The following GRIA3 variants were observed in gnomAD, a reference collection of about 807,000 sequenced individuals.
GRIA3 encodes the protein glutamate receptor 3.
Under a neutral mutation model 63.0 loss-of-function variants are expected in GRIA3, and 3 were observed. The observed-to-expected ratio is 0.05, with a 90% CI of 0.02 to 0.12. The LOEUF (loss-of-function observed/expected upper bound fraction) is 0.12, where lower values mean the gene tolerates loss of function less well. Among genes scored for constraint, GRIA3 ranks in the 10% least tolerant of loss-of-function variants. The probability of loss-of-function intolerance (pLI) is 1.00; values close to 1 mark genes in which losing one functional copy is unlikely to be tolerated. For missense variants in GRIA3, 347 were observed against 700.9 expected (o/e 0.50, Z 5.70); for synonymous variants, 274 against 257.9 (o/e 1.06, Z -0.60).
intron 13 of GRIA3, among the ~76,000 whole-genome samples, chrX:123,478,825 A>C (rs2045898733): frequency 8.9e-6 from 1 of 112,755 alleles, no homozygotes; most frequent in African/African-American, 3.2e-5. Flanking sequence ...ATATTTGGCA[A>C]TATTGCTCCC....
chrX:123,347,938 T>C (rs2147346169), intron 4 of GRIA3, among the ~76,000 whole-genome samples: 1 of 111,964 alleles, frequency 8.9e-6, no homozygotes, highest in Non-Finnish European at 1.9e-5. Context: ...GAGGTGTGAC[T>C]CTTGAGCCAA....
chrX:123,348,712 G>A (rs2045071095), intron 4 of GRIA3, among the ~76,000 whole-genome samples: 1 of 111,927 alleles, frequency 8.9e-6, no homozygotes, highest in African/African-American at 3.2e-5. Flanking sequence ...ATCCTGTGTG[G>A]GAAAATACAT....
intron 5 of GRIA3, among the ~76,000 whole-genome samples, chrX:123,357,309 G>A (rs923182810): frequency 3.6e-5 from 4 of 110,214 alleles, no homozygotes; most frequent in Admixed American, 2.0e-4. Flanking sequence ...CTTAAAGAGC[G>A]ATCTGAGCCG....
intron 3 of GRIA3, among the ~76,000 whole-genome samples, chrX:123,273,486 C>T (rs995492795): frequency 3.6e-5 from 4 of 111,798 alleles, no homozygotes; most frequent in Non-Finnish European, 7.5e-5. Context: ...ACCTAAGTCA[C>T]ACAGTTTGTA....
At chrX:123,369,030 A>C (rs2045230993) in intron 5 of GRIA3, among the ~76,000 whole-genome samples, 1 of 111,406 alleles carries the variant, frequency 9.0e-6, no homozygotes. Flanking sequence ...TCAAGTAAAA[A>C]TTACCAAAAG....
chrX:123,249,424 T>C (rs1430979617), intron 2 of GRIA3, among the ~76,000 whole-genome samples: 1 of 111,784 alleles, frequency 8.9e-6, no homozygotes, highest in Non-Finnish European at 1.9e-5. Context: ...AACCCTACTT[T>C]TGACAGCCAG....
chrX:123,189,051 T>C (rs1253272713), intron 2 of GRIA3, among the ~76,000 whole-genome samples: 2 of 111,964 alleles, frequency 1.8e-5, no homozygotes, highest in Admixed American at 1.9e-4. Flanking sequence ...TTATTCCATG[T>C]CCTACGAGGC....
At chrX:123,207,670 A>G (rs751385302) in intron 2 of GRIA3, among the ~76,000 whole-genome samples, 1 of 112,201 alleles carries the variant, frequency 8.9e-6, no homozygotes, top group South Asian at 3.7e-4. Flanking sequence ...AAATGCATGT[A>G]CTATTTGCAT....
chrX:123,389,853 C>T (rs2045375388), intron 5 of GRIA3, among the ~76,000 whole-genome samples: 1 of 110,029 alleles, frequency 9.1e-6, no homozygotes, highest in South Asian at 3.9e-4. Context: ...CTACAGACAC[C>T]CGCCACCACG....
At chrX:123,415,310 G>A (rs1192718822) in intron 10 of GRIA3, among the ~76,000 whole-genome samples, 1 of 112,162 alleles carries the variant, frequency 8.9e-6, no homozygotes, top group East Asian at 2.8e-4. Flanking sequence ...AATTAAAGAT[G>A]TAAAAGAGAT....
chrX:123,345,727 C>T (rs1483858316), intron 4 of GRIA3, among the ~76,000 whole-genome samples: 1 of 110,990 alleles, frequency 9.0e-6, no homozygotes, highest in Non-Finnish European at 1.9e-5. Flanking sequence ...TAACCAGTGG[C>T]CCCAATACTC....
At chrX:123,247,344 C>G (rs1287026913) in intron 2 of GRIA3, among the ~76,000 whole-genome samples, 2 of 111,377 alleles carry the variant, frequency 1.8e-5, no homozygotes, top group Non-Finnish European at 3.8e-5. Context: ...TGGTGCCACA[C>G]TGTACATTAA....
chrX:123,253,992 A>C (rs924858171), intron 3 of GRIA3, among the ~76,000 whole-genome samples: 16 of 111,920 alleles, frequency 1.4e-4, no homozygotes, highest in African/African-American at 4.6e-4. Context: ...TCACCACTAA[A>C]ATGGGACTGG....
intron 5 of GRIA3, among the ~76,000 whole-genome samples, chrX:123,386,532 TAC>T (rs1252571509): frequency 9.0e-6 from 1 of 111,601 alleles, no homozygotes; most frequent in Non-Finnish European, 1.9e-5. Flanking sequence ...AATCTTTGCC[TAC>T]ACTAATGTCC....
intron 2 of GRIA3, among the ~76,000 whole-genome samples, chrX:123,226,930 C>T (rs1306649578): frequency 9.1e-6 from 1 of 110,140 alleles, no homozygotes; most frequent in African/African-American, 3.3e-5. Flanking sequence ...CCCTCCAATA[C>T]ACACACACAC....
intron 10 of GRIA3, among the ~76,000 whole-genome samples, chrX:123,411,337 A>G (rs1442377255): frequency 8.9e-6 from 1 of 111,869 alleles, no homozygotes; most frequent in Non-Finnish European, 1.9e-5. Flanking sequence ...GCTTTCAGAA[A>G]GTGTTTTAAA....
At chrX:123,306,537 C>A (rs1173268120) in intron 3 of GRIA3, among the ~76,000 whole-genome samples, 1 of 111,910 alleles carries the variant, frequency 8.9e-6, no homozygotes, top group African/African-American at 3.3e-5. Context: ...ACCTGGGAAT[C>A]AATAAATCCA....
intron 12 of GRIA3, among the ~76,000 whole-genome samples, chrX:123,461,432 A>C (rs1417069982): frequency 8.9e-6 from 1 of 111,745 alleles, no homozygotes; most frequent in Non-Finnish European, 1.9e-5. Flanking sequence ...CACAGAAGAC[A>C]TGACATCTGC....
At chrX:123,311,611 A>T (rs2044792874) in intron 3 of GRIA3, among the ~76,000 whole-genome samples, 2 of 112,197 alleles carry the variant, frequency 1.8e-5, no homozygotes, top group Non-Finnish European at 3.8e-5. Flanking sequence ...AAGGACACAA[A>T]CAATAATAAA....
Sources: allele counts gnomAD v4.1 joint callset (sites outside exome capture counted in the v4.1 genomes callset), GRCh38; gene constraint gnomAD v4.1.1; transcripts MANE v1.5; gene names NCBI Gene and HGNC (gene_info 2026-07-23, HGNC 2026-07-21).